The following COL6A6 variants were observed in gnomAD, a reference collection of about 807,000 sequenced individuals.
COL6A6 encodes the protein collagen type VI alpha 6 chain, also known as collagen alpha-6(VI) chain.
In COL6A6, 183 loss-of-function variants were observed where a neutral mutation model predicts 208.6. The observed-to-expected ratio is 0.88, with a 90% confidence interval of 0.78 to 0.99. The LOEUF is 0.99. Among genes scored for constraint, COL6A6 ranks in the 50% least tolerant of loss-of-function variants. COL6A6 has a pLI of 0.00. For synonymous variants in COL6A6, 973 were observed against 1,011.8 expected (o/e 0.96, Z 0.73); for missense variants, 2,816 against 2,815.2 (o/e 1.00, Z -0.01).
At chr3:130,535,128 C>A (rs200472985) in intron 1 of COL6A6, among the ~76,000 whole-genome samples, 1 of 21,658 alleles carries the variant, frequency 4.6e-5, no homozygotes, top group Non-Finnish European at 7.8e-4. Context: ...TCTCTTTTTT[C>A]CCCCTCACTA....
intron 1 of COL6A6, among the ~76,000 whole-genome samples, chr3:130,554,574 C>T (rs558417849): frequency 5.9e-5 from 9 of 152,122 alleles, no homozygotes; most frequent in South Asian, 2.1e-4. Flanking sequence ...GCAGTGGCAA[C>T]GGTGGGGCAG....
In COL6A6 at chr3:130,627,316, C is replaced by T; in HGVS notation, c.4942-3C>T. ...TGTTGGTAATCAATTGCTCTGTTTA[C>T]AGGGCAATGATGGCAGTCCAGGTTA... On this transcript the variant is annotated splice_region_variant and splice_polypyrimidine_tract_variant and intron_variant, in intron 25 of 36. Transcript: ENST00000358511. The T allele has an allele frequency of 1.2e-6, 2 of 1,613,214 alleles. No homozygotes were observed. Among genetic ancestry groups the T allele is most frequent in the Non-Finnish European group, 1.7e-6 (2 of 1,179,250 alleles).
chr3:130,520,650 C>T (rs2173188), intron 1 of COL6A6, among the ~76,000 whole-genome samples: 1 of 152,322 alleles, frequency 6.6e-6, no homozygotes, highest in East Asian at 1.9e-4. Context: ...CTAAATTATG[C>T]ATCTCATGTA....
In COL6A6 at chr3:130,649,151, G is replaced by A. The variant is rs771425925; in HGVS notation, c.5322G>A (p.Glu1774=). 6.3e-7 allele frequency: 1 copy of A among 1,592,234 alleles called. No individual in the cohort carries two copies. The highest frequency in any genetic ancestry group is 1.1e-5 in the South Asian group (1 of 87,232). The change falls in exon 33 of 37, where the codon GAG becomes GAA. Residue 1774 remains glutamate, a synonymous_variant. Transcript: ENST00000358511. The part of the protein sequence containing the change: ...HSRDVTEQEF[E]RMKEMMAFLV... The stretch of plus-strand genomic sequence containing the variant: ...GGGATGTCACTGAGCAGGAATTTGA[G>A]CGGATGAAGGAGATGATGGCTTTCC...
rs1418574599 is a variant in COL6A6, at chr3:130,581,893, G to A, written c.3880G>A (p.Ala1294Thr). The change falls in exon 9 of 37, where the codon GCT becomes ACT. Residue 1294 changes from alanine (A) to threonine (T), a missense_variant. Ala to Thr is a moderately conservative substitution (Grantham distance 58). Transcript: ENST00000358511. ...GGATACATTTCAGAATAAATCAGCT[G>A]CTCGAGGAAAGGTAACATGGATTTA... ...LWDTFQNKSAARGKVVLLFSD... is the reference protein window; with the variant it reads ...LWDTFQNKSATRGKVVLLFSD... 1.7e-5 allele frequency: 27 copies of A among 1,605,218 alleles called. No homozygotes were observed. Among genetic ancestry groups the A allele is most frequent in the Non-Finnish European group, 2.1e-5 (25 of 1,174,614 alleles).
chr3:130,569,725 A>G (rs1016010905), intron 6 of COL6A6, among the ~76,000 whole-genome samples: 2 of 152,208 alleles, frequency 1.3e-5, no homozygotes, highest in African/African-American at 4.8e-5. Context: ...GGGTAATCCA[A>G]GCAGGCTTCC....
At chr3:130,516,723 T>C (rs955316926), upstream of COL6A6, among the ~76,000 whole-genome samples, 4 of 152,094 alleles carry the variant, frequency 2.6e-5, no homozygotes, top group Non-Finnish European at 5.9e-5. Flanking sequence ...ACGGTCTTCG[T>C]TCCCACGGAA....
intron 32 of COL6A6, among the ~76,000 whole-genome samples, chr3:130,645,422 C>T (rs2065439857): frequency 6.6e-6 from 1 of 152,032 alleles, no homozygotes; most frequent in African/African-American, 2.4e-5. Flanking sequence ...GGACTACAGG[C>T]ACATGCCATC....
At chr3:130,616,234 G>A (rs2064516732) in intron 23 of COL6A6, among the ~76,000 whole-genome samples, 1 of 151,910 alleles carries the variant, frequency 6.6e-6, no homozygotes, top group South Asian at 2.1e-4. Flanking sequence ...TTGTTTTACA[G>A]CACACAAGGA....
intron 22 of COL6A6, among the ~76,000 whole-genome samples, chr3:130,610,448 C>G (rs373898712): frequency 2.0e-5 from 3 of 152,084 alleles, no homozygotes; most frequent in East Asian, 3.9e-4. Flanking sequence ...CCTCAACTGC[C>G]TAAATTTCAG....
chr3:130,656,623 G>A (rs890662528), intron 33 of COL6A6, among the ~76,000 whole-genome samples: 6 of 152,200 alleles, frequency 3.9e-5, no homozygotes, highest in Admixed American at 1.3e-4. Context: ...GCTCCCCCTG[G>A]CTTGAAGGTG....
Position 130,582,009 on chromosome 3 carries a change from A to G in COL6A6, c.3911A>G (p.Asp1304Gly), listed in dbSNP as rs1354539493. ...ARGKVVLLFS[D>G]GLDDDVEKLE... ...TCTTAGGTGGTCCTTTTATTTTCAG[A>G]TGGATTGGATGATGATGTTGAGAAA... Residue 1304 changes from aspartate (D) to glycine (G), a missense_variant, in exon 10 of 37, where the codon GAT (aspartate) becomes GGT (glycine). Coordinates refer to ENST00000358511, the MANE Select transcript of COL6A6 (RefSeq NM_001102608.3). 5 of 1,610,478 alleles carry G rather than the reference A, an allele frequency of 3.1e-6. No individual in the cohort carries two copies. Among genetic ancestry groups the G allele is most frequent in the Admixed American group, 1.7e-5 (1 of 59,450 alleles).
At position 130,677,026 on chromosome 3, in the gene COL6A6, AAAG is replaced by A. The variant is rs2066376123; in HGVS notation, c.*1632_*1634del. 6.6e-6 allele frequency: 1 copy of A among 152,266 alleles called. No homozygotes were observed. Among genetic ancestry groups the A allele is most frequent in the Non-Finnish European group, 1.5e-5 (1 of 68,040 alleles). 9.4% of individuals were successfully genotyped at this position (152,266 alleles called of 1,614,324 possible). On this transcript the variant is annotated 3_prime_UTR_variant, in exon 37 of 37. Transcript: ENST00000358511. ...TGTCTGTTTTTCTGCATTGGCAAGT[AAAG>A]AACATAAAACAAATATTCCCTTGGT... is the stretch of plus-strand genomic sequence containing the variant.
intron 36 of COL6A6, among the ~76,000 whole-genome samples, chr3:130,669,521 C>A (rs1407492185): frequency 6.6e-6 from 1 of 151,820 alleles, no homozygotes; most frequent in African/African-American, 2.4e-5. Context: ...GTGTAACAAT[C>A]AAAATGCTAT....
rs138513594 is a variant in COL6A6, at chr3:130,541,019, C to A, written c.-31-19315C>A. ...TTTTTTATATTCCTTTGGGTATATG[C>A]CCAGTAATGGGATTGCTGGGTCAAA... On this transcript the variant is annotated intron_variant, in intron 1 of 36. Coordinates refer to ENST00000358511, the MANE Select transcript of COL6A6 (RefSeq NM_001102608.3). Among the ~76,000 whole-genome samples, 24 of 152,134 alleles carry A rather than the reference C, an allele frequency of 1.6e-4. No homozygotes were observed. The East Asian group carries it at 3.9e-3, about 24-fold the overall frequency.
chr3:130,605,008 T>C (rs1343320376), intron 20 of COL6A6, among the ~76,000 whole-genome samples: 1 of 152,246 alleles, frequency 6.6e-6, no homozygotes, highest in Admixed American at 6.5e-5. Flanking sequence ...CCTTTCAGCC[T>C]AGTAACCCTG....
chr3:130,590,607 G>T (rs186934448), intron 12 of COL6A6, among the ~76,000 whole-genome samples: 1 of 151,446 alleles, frequency 6.6e-6, no homozygotes, highest in Non-Finnish European at 1.5e-5. Flanking sequence ...TCGCTCTGCC[G>T]CCCAGGCTGG....
At chr3:130,557,434 A>G (rs2062791681) in intron 1 of COL6A6, among the ~76,000 whole-genome samples, 1 of 152,180 alleles carries the variant, frequency 6.6e-6, no homozygotes, top group South Asian at 2.1e-4. Flanking sequence ...GCTCACTCTG[A>G]ATATTTTTCT....
intron 20 of COL6A6, among the ~76,000 whole-genome samples, chr3:130,605,876 G>A (rs1035896900): frequency 2.6e-5 from 4 of 152,136 alleles, no homozygotes; most frequent in Non-Finnish European, 5.9e-5. Flanking sequence ...AAGTGAAAGG[G>A]GAAACCCCTT....
Sources: gnomAD v4.1 joint callset for allele counts (sites outside exome capture counted in the v4.1 genomes callset) on GRCh38, gnomAD v4.1.1 for gene constraint, MANE v1.5 for transcripts, NCBI Gene and HGNC (gene_info 2026-07-23, HGNC 2026-07-21) for gene names.